MORC4: variants seen among roughly 807,000 people sequenced by gnomAD.
MORC4 encodes MORC family CW-type zinc finger protein 4.
MORC4 carries 22 observed loss-of-function variants against 65.5 expected under a neutral mutation model. The observed-to-expected ratio is 0.34, with a 90% CI of 0.24 to 0.48. The LOEUF is 0.48. MORC4 is among the 20% of genes least tolerant of loss of function. The pLI, the probability that MORC4 is intolerant of heterozygous loss-of-function variation, is 0.99. For missense variants in MORC4, 624 were observed against 703.0 expected, an observed-to-expected ratio of 0.89 and a Z score of 1.27; for synonymous variants, 267 against 255.8, an observed-to-expected ratio of 1.04 and a Z score of -0.42.
chrX:106,987,272 C>T (rs1390270984), intron 3 of MORC4, among the ~76,000 whole-genome samples: 1 of 111,339 alleles, frequency 9.0e-6, no homozygotes, highest in African/African-American at 3.3e-5. Flanking sequence ...ACCCCAAACA[C>T]CCTCACTTGA....
At chrX:106,967,158 C>T (rs1934396034) in intron 9 of MORC4, among the ~76,000 whole-genome samples, 1 of 111,334 alleles carries the variant, frequency 9.0e-6, no homozygotes, top group South Asian at 3.8e-4. Context: ...CGTGAGATAC[C>T]CAGGCAAACA....
At chrX:106,957,240 A>T (rs1934131762) in intron 11 of MORC4, among the ~76,000 whole-genome samples, 1 of 111,919 alleles carries the variant, frequency 8.9e-6, no homozygotes, top group African/African-American at 3.2e-5. Context: ...AGAAACAAAC[A>T]AAATTTAACA....
intron 9 of MORC4, among the ~76,000 whole-genome samples, chrX:106,965,599 C>T (rs1331467819): frequency 3.6e-5 from 4 of 111,826 alleles, no homozygotes; most frequent in Non-Finnish European, 7.5e-5. Flanking sequence ...ATAACAAATA[C>T]CTAAAAATAT....
At chrX:106,943,393 C>T (rs1384699172) in intron 14 of MORC4, among the ~76,000 whole-genome samples, 188 bp from the exon 15 acceptor site, 3 of 111,452 alleles carry the variant, frequency 2.7e-5, no homozygotes, top group Admixed American at 1.9e-4. Context: ...CTGGTATTAA[C>T]GGAGAGGTGA....
chrX:106,956,607 A>C, intron 12 of MORC4, 73 bp from the exon 13 acceptor site: 1 of 867,257 alleles, frequency 1.2e-6, no homozygotes, highest in South Asian at 2.0e-5. Context: ...CCAATTGTAG[A>C]TTTAGGTTAT....
At chrX:106,953,249 C>A (rs1248816012) in intron 14 of MORC4, among the ~76,000 whole-genome samples, 1 of 111,074 alleles carries the variant, frequency 9.0e-6, no homozygotes, top group Non-Finnish European at 1.9e-5. Flanking sequence ...CATTTGTAAT[C>A]CCCTTGAGGT....
chrX:106,957,062 T>A, intron 11 of MORC4, 58 bp from the exon 12 acceptor site: 1 of 764,136 alleles, frequency 1.3e-6, no homozygotes, highest in Non-Finnish European at 2.0e-6. Flanking sequence ...CACTTTTACC[T>A]TTTAATTTCC....
Position 106,978,135 on chromosome X carries a change from A to G in MORC4, c.1001T>C (p.Met334Thr). The G allele has an allele frequency of 8.3e-7, 1 of 1,208,216 alleles. No homozygotes were observed. The highest frequency in any genetic ancestry group is 1.1e-6 in the Non-Finnish European group (1 of 892,731). The part of the protein sequence containing the change: ...CKNSNQFGIM[M>T]YHNNRLIKSF... Reference sequence around the variant, plus strand: ...TTTTATGAGTCGGTTGTTATGATACATCATTATTCCAAACTGGTTACTATT... The same window carrying G: ...TTTTATGAGTCGGTTGTTATGATACGTCATTATTCCAAACTGGTTACTATT... Residue 334 changes from methionine to threonine, a missense_variant, in exon 8 of 17, where the codon ATG (methionine) becomes ACG (threonine). Coordinates refer to ENST00000355610, the MANE Select transcript of MORC4 (RefSeq NM_024657.5).
In MORC4 at chrX:106,999,687, C is replaced by T. The variant is rs1602515124; in HGVS notation, c.165G>A (p.Ala55=). 2 of 1,132,393 alleles carry T rather than the reference C, an allele frequency of 1.8e-6. No individual in the cohort carries two copies. The highest frequency in any genetic ancestry group is 7.6e-5 in the East Asian group (2 of 26,302). The allele number at this position is 1,132,393 out of a possible 1,213,427, so 93.3% of individuals were successfully genotyped here. A position where few individuals can be genotyped will look rare whatever the true frequency, so the allele number is the denominator to read the frequency against. ...SSHTRPFSAI[A]ELLDNAVDPD... ...GCCCTCGCCACTCACCTAGCAGCTC[C>T]GCGATGGCACTGAAGGGTCGCGTGT... is the stretch of plus-strand genomic sequence containing the variant. The change falls in exon 2 of 17, where the codon GCG becomes GCA. Residue 55 remains alanine (A), a synonymous_variant. Transcript: ENST00000355610.
At position 106,941,111 on chromosome X, in the gene MORC4, G is replaced by A. The variant is rs766575057; in HGVS notation, c.*368C>T. The A allele has an allele frequency of 6.4e-5, 9 of 140,762 alleles. No homozygotes were observed. Among genetic ancestry groups the A allele is most frequent in the African/African-American group, 1.3e-4 (4 of 31,972 alleles). The allele number at this position is 140,762 out of a possible 1,213,427, so 11.6% of individuals were successfully genotyped here. On this transcript the variant is annotated 3_prime_UTR_variant, in exon 17 of 17. Transcript: ENST00000355610. ...ACCCCAAAATAATACCTGGTATACC[G>A]GACCCAATATCTGCTGATTGATCTA...
chrX:106,988,867 T>A (rs1229614139), intron 3 of MORC4, among the ~76,000 whole-genome samples: 1 of 111,567 alleles, frequency 9.0e-6, no homozygotes, highest in Non-Finnish European at 1.9e-5. Flanking sequence ...ATGTCAAGAA[T>A]CCAGAATCCA....
chrX:106,981,346 C>A lies in MORC4; in HGVS notation c.806G>T (p.Arg269Met). 8.4e-7 allele frequency: 1 copy of A among 1,194,923 alleles called. No individual in the cohort carries two copies. Among genetic ancestry groups the A allele is most frequent in the Non-Finnish European group, 1.1e-6 (1 of 889,577 alleles). The change falls in exon 6 of 17, where the codon AGG (arginine) becomes ATG (methionine). Residue 269 changes from arginine (R) to methionine (M), a missense_variant and splice_region_variant. Transcript: ENST00000355610. ...TGTTGAAAAACCATTCTTACTTACC[C>A]TTAAAGAATATTCTGTTTCTGGTAG... ...SELPETEYSL[R>M]AFCGILYMKP...
intron 7 of MORC4, among the ~76,000 whole-genome samples, chrX:106,980,555 T>C (rs1934719880): frequency 9.0e-6 from 1 of 111,543 alleles, no homozygotes; most frequent in Admixed American, 9.6e-5. Flanking sequence ...ATAGCAGAGG[T>C]TCTCAAACCT....
chrX:106,967,616 G>C (rs1420797690), intron 9 of MORC4, among the ~76,000 whole-genome samples: 3 of 112,238 alleles, frequency 2.7e-5, no homozygotes, highest in African/African-American at 9.7e-5. Context: ...GTAGAGAAGA[G>C]CTTTAATGAC....
chrX:107,000,072 C>T lies in MORC4; in HGVS notation c.-103G>A, dbSNP rs1267177387. 1.2e-5 allele frequency: 3 copies of T among 250,530 alleles called. No homozygotes were observed. The highest frequency in any genetic ancestry group is 2.9e-5 in the African/African-American group (1 of 34,063). The allele number at this position is 250,530 out of a possible 1,213,427, so 20.6% of individuals were successfully genotyped here. The stretch of plus-strand genomic sequence containing the variant: ...CCACTCGCAGCTGGCGGCGACCGTC[C>T]GGGACCGGCCCTCCCTCGCTCCCAC... On this transcript the variant is annotated 5_prime_UTR_variant, in exon 1 of 17. Transcript: ENST00000355610.
Position 106,941,652 on chromosome X carries a change from G to A in MORC4, c.2661-20C>T. The A allele has an allele frequency of 8.3e-7, 1 of 1,199,316 alleles. No individual in the cohort carries two copies. The highest frequency in any genetic ancestry group is 1.8e-5 in the South Asian group (1 of 54,926). On this transcript the variant is annotated intron_variant, in intron 16 of 16. Coordinates refer to ENST00000355610, the MANE Select transcript of MORC4 (RefSeq NM_024657.5). ...AAAGCCCTGTATGAAGGAGTGAGGG[G>A]GCAGGAGAAGAGATGACATGAAGTC...
chrX:106,977,570 G>A (rs1184625934), intron 8 of MORC4, among the ~76,000 whole-genome samples: 1 of 111,656 alleles, frequency 9.0e-6, no homozygotes, highest in Non-Finnish European at 1.9e-5. Context: ...CCTGTAAGCT[G>A]TGAGGCAGGC....
At chrX:106,967,213 G>A (rs994210445) in intron 9 of MORC4, among the ~76,000 whole-genome samples, 1 of 111,661 alleles carries the variant, frequency 9.0e-6, no homozygotes, top group African/African-American at 3.3e-5. Context: ...ACCTGCAGCT[G>A]AGGGGCCTGT....
intron 9 of MORC4, among the ~76,000 whole-genome samples, chrX:106,976,061 G>A (rs1934616982): frequency 1.8e-5 from 2 of 110,882 alleles, no homozygotes; most frequent in Middle Eastern, 4.6e-3. Context: ...AACTCCTTTC[G>A]AAAAATATCC....
Sources: gnomAD v4.1 joint callset for allele counts (sites outside exome capture counted in the v4.1 genomes callset) on GRCh38, gnomAD v4.1.1 for gene constraint, MANE v1.5 for transcripts, NCBI Gene and HGNC (gene_info 2026-07-23, HGNC 2026-07-21) for gene names.